ERCC6L2: variants seen among roughly 807,000 people sequenced by gnomAD.
ERCC6L2 encodes the protein DNA excision repair protein ERCC-6-like 2.
In ERCC6L2, 77 loss-of-function variants were observed where a neutral mutation model predicts 132.0. The observed-to-expected ratio is 0.58, with a 90% CI of 0.49 to 0.71. ERCC6L2 has a LOEUF of 0.71. Among genes scored for constraint, ERCC6L2 ranks in the 30% least tolerant of loss-of-function variants. ERCC6L2 has a pLI of 0.00. For missense variants in ERCC6L2, 1,542 were observed against 1,837.6 expected, an observed-to-expected ratio of 0.84 and a Z score of 2.94; for synonymous variants, 583 against 632.4, an observed-to-expected ratio of 0.92 and a Z score of 1.17.
At position 95,988,497 on chromosome 9, in the gene ERCC6L2, C is replaced by T. The variant is rs1306562921; in HGVS notation, c.3492+10282C>T. On this transcript the variant is annotated intron_variant, in intron 17 of 18. Coordinates refer to ENST00000653738, the MANE Select transcript of ERCC6L2 (RefSeq NM_020207.7). Reference sequence around the variant, plus strand: ...ACCTGCTTCAAAATGGATTGGAAAGCCGTATCCCACTATTTCATTTGCTAT... The same window carrying T: ...ACCTGCTTCAAAATGGATTGGAAAGTCGTATCCCACTATTTCATTTGCTAT... 2.0e-5 allele frequency among the ~76,000 whole-genome samples: 3 copies of T among 152,172 alleles called. No homozygotes were observed. In the East Asian group the frequency reaches 5.8e-4, roughly 29 times the overall value.
intron 11 of ERCC6L2, among the ~76,000 whole-genome samples, chr9:95,940,353 A>AT (rs1424834130): frequency 6.6e-6 from 1 of 152,044 alleles, no homozygotes; most frequent in African/African-American, 2.4e-5. Context: ...ATATATATAT[A>AT]TTTTTATAGT....
At position 96,012,464 on chromosome 9, in the gene ERCC6L2, A is replaced by G; in HGVS notation, c.3914A>G (p.Lys1305Arg). 1 of 1,367,222 alleles carries G rather than the reference A, an allele frequency of 7.3e-7. No individual in the cohort carries two copies. The highest frequency in any genetic ancestry group is 9.8e-7 in the Non-Finnish European group (1 of 1,021,730). 84.7% of individuals were successfully genotyped at this position (1,367,222 alleles called of 1,614,324 possible). ...TCTGATAAAAGAGAATCTCTTATAAAACCAAGGCTGTCAGATTCTGAAACC... is the reference window on the plus strand; with the variant it reads ...TCTGATAAAAGAGAATCTCTTATAAGACCAAGGCTGTCAGATTCTGAAACC... Reference protein sequence around the residue: ...KKSDKRESLIKPRLSDSETLS... With the variant: ...KKSDKRESLIRPRLSDSETLS... Residue 1305 changes from lysine to arginine, a missense_variant, in exon 19 of 19, where the codon AAA becomes AGA. By Grantham distance (26) the Lys-to-Arg change is conservative. Coordinates refer to ENST00000653738, the MANE Select transcript of ERCC6L2 (RefSeq NM_020207.7).
intron 19 of ERCC6L2, among the ~76,000 whole-genome samples, chr9:96,036,776 T>TTA (rs1554765716): frequency 1.4e-5 from 2 of 147,228 alleles, no homozygotes; most frequent in African/African-American, 2.5e-5. Flanking sequence ...TTTATTTATT[T>TTA]TTTTTTTTGA....
At position 96,012,440 on chromosome 9, in the gene ERCC6L2, C is replaced by G. The variant is rs750056351; in HGVS notation, c.3890C>G (p.Ser1297Cys). 6 of 1,364,814 alleles carry G rather than the reference C, an allele frequency of 4.4e-6. No individual in the cohort carries two copies. The highest frequency in any genetic ancestry group is 5.9e-6 in the Non-Finnish European group (6 of 1,020,016). The allele number at this position is 1,364,814 out of a possible 1,614,324, so 84.5% of individuals were successfully genotyped here. A position where few individuals can be genotyped will look rare whatever the true frequency, so the allele number is the denominator to read the frequency against. ...EKGEQRTRKK[S>C]DKRESLIKPR... ...GGAGAGCAGCGCACCCGGAAGAAAT[C>G]TGATAAAAGAGAATCTCTTATAAAA... Residue 1297 changes from serine (S) to cysteine (C), a missense_variant, in exon 19 of 19, where the codon TCT becomes TGT. Ser to Cys is a moderately radical substitution (Grantham distance 112). Coordinates refer to ENST00000653738, the MANE Select transcript of ERCC6L2 (RefSeq NM_020207.7).
intron 5 of ERCC6L2, 87 bp from the exon 6 acceptor site, chr9:95,916,136 TAATC>T (rs1225097301): frequency 5.1e-6 from 6 of 1,174,070 alleles, no homozygotes; most frequent in Middle Eastern, 2.6e-4. Flanking sequence ...TTACCGTTGA[TAATC>T]AAGTAATGTA....
chr9:95,875,870 C>T lies in ERCC6L2; in HGVS notation c.-169C>T, dbSNP rs1481535481. On this transcript the variant is annotated 5_prime_UTR_variant, in exon 1 of 19. Transcript: ENST00000653738. ...TGGGTCCCCTTAGTCGCTACCTTTG[C>T]TGGGATCCCCCTCCTCCATCCTGTG... 113 of 666,776 alleles carry T rather than the reference C, an allele frequency of 1.7e-4. No homozygotes were observed. Among genetic ancestry groups the T allele is most frequent in the Admixed American group, 2.7e-5 (1 of 36,646 alleles). The allele number at this position is 666,776 out of a possible 1,614,324, so 41.3% of individuals were successfully genotyped here.
chr9:95,940,933 G>A (rs941912842), intron 11 of ERCC6L2, among the ~76,000 whole-genome samples: 6 of 151,800 alleles, frequency 4.0e-5, no homozygotes, highest in Admixed American at 3.9e-4. Context: ...CTTTTTTTCA[G>A]GAAAGCCATG....
At chr9:95,962,050 T>G (rs1200248501) in intron 13 of ERCC6L2, among the ~76,000 whole-genome samples, 5 of 151,954 alleles carry the variant, frequency 3.3e-5, no homozygotes, top group Non-Finnish European at 7.4e-5. Flanking sequence ...GAGATTTGGG[T>G]GGGAACACAG....
chr9:95,876,162 C>G, intron 1 of ERCC6L2, 78 bp downstream of exon 1: 1 of 1,407,768 alleles, frequency 7.1e-7, no homozygotes, highest in Non-Finnish European at 9.8e-7. Flanking sequence ...CGGTGCCCTT[C>G]GGGTTGGGGT....
At chr9:96,022,847 T>C (rs989125102), downstream of ERCC6L2, among the ~76,000 whole-genome samples, 3 of 152,126 alleles carry the variant, frequency 2.0e-5, no homozygotes, top group Non-Finnish European at 4.4e-5. Context: ...CAGCCGCCTC[T>C]GCTTTCCTGG....
chr9:95,922,552 A>G lies in ERCC6L2; in HGVS notation c.1413+134A>G, dbSNP rs901965492. ...CTGATTTGCTTATTTTTAAATGTAG[A>G]TATCAAGGAGTATGTGCACTTAAGT... On this transcript the variant is annotated intron_variant, in intron 8 of 18. Transcript: ENST00000653738. The G allele has an allele frequency of 8.2e-6, 5 of 613,234 alleles. No individual in the cohort carries two copies. In the Admixed American group the frequency reaches 1.6e-4, roughly 20 times the overall value. 38.0% of individuals were successfully genotyped at this position (613,234 alleles called of 1,614,324 possible). A position where few individuals can be genotyped will look rare whatever the true frequency, so the allele number is the denominator to read the frequency against.
intron 12 of ERCC6L2, among the ~76,000 whole-genome samples, chr9:95,949,571 A>C (rs1047212125): frequency 6.6e-6 from 1 of 151,958 alleles, no homozygotes; most frequent in Non-Finnish European, 1.5e-5. Flanking sequence ...GGAAAAAAAA[A>C]CAAACAAACT....
intron 20 of ERCC6L2, among the ~76,000 whole-genome samples, chr9:96,039,347 G>A (rs550675466): frequency 7.2e-5 from 11 of 152,330 alleles, no homozygotes; most frequent in African/African-American, 2.6e-4. Flanking sequence ...AATGGGGCCA[G>A]AGGAAATGGA....
chr9:95,987,620 A>G (rs1833143714), intron 17 of ERCC6L2, among the ~76,000 whole-genome samples: 1 of 152,090 alleles, frequency 6.6e-6, no homozygotes, highest in East Asian at 1.9e-4. Context: ...AGCCTCTCTC[A>G]TGACTGCTTC....
chr9:95,928,606 A>C (rs1299048838), intron 10 of ERCC6L2, 113 bp from the exon 11 acceptor site: 2 of 956,280 alleles, frequency 2.1e-6, no homozygotes, highest in Non-Finnish European at 3.0e-6. Context: ...TGGAATTATA[A>C]GAAAGAAATT....
At chr9:95,951,761 T>C (rs902724793) in intron 12 of ERCC6L2, among the ~76,000 whole-genome samples, 1 of 151,628 alleles carries the variant, frequency 6.6e-6, no homozygotes, top group Non-Finnish European at 1.5e-5. Flanking sequence ...CATAGAAACC[T>C]GAATATAACT....
At chr9:95,979,702 T>C (rs1832816608) in intron 17 of ERCC6L2, among the ~76,000 whole-genome samples, 2 of 152,198 alleles carry the variant, frequency 1.3e-5, no homozygotes, top group South Asian at 4.1e-4. Context: ...ACTCATCTTC[T>C]CATTTGATCC....
intron 2 of ERCC6L2, among the ~76,000 whole-genome samples, chr9:95,891,020 C>A (rs1461491739): frequency 6.6e-6 from 1 of 152,196 alleles, no homozygotes; most frequent in Non-Finnish European, 1.5e-5. Context: ...CAAGACCAGA[C>A]TGACCAACAT....
chr9:95,976,070 C>T (rs909490739), intron 16 of ERCC6L2, among the ~76,000 whole-genome samples: 2 of 152,014 alleles, frequency 1.3e-5, no homozygotes, highest in African/African-American at 4.8e-5. Flanking sequence ...TGCTGCTTTT[C>T]CCTTGGTCAT....
Sources: allele counts gnomAD v4.1 joint callset (sites outside exome capture counted in the v4.1 genomes callset), GRCh38; gene constraint gnomAD v4.1.1; transcripts MANE v1.5; gene names NCBI Gene and HGNC (gene_info 2026-07-23, HGNC 2026-07-21).